Variants in ZDHHC14 observed in about 807,000 individuals in gnomAD.
ZDHHC14 encodes the protein palmitoyltransferase ZDHHC14.
In ZDHHC14, 16 loss-of-function variants were observed where a neutral mutation model predicts 47.7. That is an observed-to-expected ratio of 0.34 (90% CI 0.23 to 0.51). The LOEUF (loss-of-function observed/expected upper bound fraction) is 0.51, where lower values mean the gene tolerates loss of function less well. Among genes scored for constraint, ZDHHC14 ranks in the 20% least tolerant of loss-of-function variants. ZDHHC14 has a pLI of 0.97. For missense variants in ZDHHC14, 515 were observed against 662.5 expected (o/e 0.78, Z 2.44); for synonymous variants, 293 against 278.9 (o/e 1.05, Z -0.50).
At chr6:157,644,339 T>C (rs1777411663) in intron 5 of ZDHHC14, among the ~76,000 whole-genome samples, 1 of 152,220 alleles carries the variant, frequency 6.6e-6, no homozygotes, top group African/African-American at 2.4e-5. Flanking sequence ...CATCCATGTG[T>C]CCCCATGTGC....
At chr6:157,576,345 C>T (rs1783309115) in intron 2 of ZDHHC14, among the ~76,000 whole-genome samples, 1 of 152,122 alleles carries the variant, frequency 6.6e-6, no homozygotes, top group Non-Finnish European at 1.5e-5. Flanking sequence ...TATAGACAGA[C>T]CAGAATTTGC....
chr6:157,487,258 G>T (rs893008210), intron 1 of ZDHHC14, among the ~76,000 whole-genome samples: 1 of 152,218 alleles, frequency 6.6e-6, no homozygotes, highest in African/African-American at 2.4e-5. Context: ...GGGAGATGCA[G>T]TTGGGTAGAG....
intron 7 of ZDHHC14, among the ~76,000 whole-genome samples, chr6:157,651,879 ACAT>A (rs1285015594): frequency 6.6e-6 from 1 of 151,986 alleles, no homozygotes; most frequent in African/African-American, 2.4e-5. Flanking sequence ...GTCCCTCAAG[ACAT>A]CATGACACTG....
chr6:157,604,955 A>G (rs1173915604), intron 3 of ZDHHC14, among the ~76,000 whole-genome samples: 1 of 152,212 alleles, frequency 6.6e-6, no homozygotes, highest in African/African-American at 2.4e-5. Flanking sequence ...AAGATGAAAC[A>G]TACCTTACCA....
At chr6:157,466,070 T>C (rs1188393452) in intron 1 of ZDHHC14, among the ~76,000 whole-genome samples, 1 of 151,496 alleles carries the variant, frequency 6.6e-6, no homozygotes, top group Non-Finnish European at 1.5e-5. Flanking sequence ...GAGAGAGATA[T>C]GGGAAGATAG....
At chr6:157,465,052 A>G (rs1779174698) in intron 1 of ZDHHC14, among the ~76,000 whole-genome samples, 1 of 148,928 alleles carries the variant, frequency 6.7e-6, no homozygotes, top group Admixed American at 6.7e-5. Context: ...ATTTGCAGCC[A>G]TCTAACCTAC....
intron 1 of ZDHHC14, among the ~76,000 whole-genome samples, chr6:157,533,761 C>T (rs375361705): frequency 9.8e-5 from 15 of 152,306 alleles, no homozygotes; most frequent in Admixed American, 6.5e-4. Context: ...TTGATGGGCT[C>T]AGGAGGCTGC....
intron 1 of ZDHHC14, among the ~76,000 whole-genome samples, chr6:157,392,959 A>G (rs1777449256): frequency 6.6e-6 from 1 of 151,908 alleles, no homozygotes; most frequent in Non-Finnish European, 1.5e-5. Context: ...GGCTCACCAC[A>G]ACCTCTGCCT....
At chr6:157,619,064 T>C (rs1785077385) in intron 3 of ZDHHC14, among the ~76,000 whole-genome samples, 1 of 152,104 alleles carries the variant, frequency 6.6e-6, no homozygotes, top group Admixed American at 6.5e-5. Flanking sequence ...GCCTCTGCAG[T>C]GCACACTTGT....
At chr6:157,391,647 GT>G (rs1224493400) in intron 1 of ZDHHC14, among the ~76,000 whole-genome samples, 8 of 152,190 alleles carry the variant, frequency 5.3e-5, no homozygotes, top group Non-Finnish European at 1.5e-5. Context: ...CCTCACTCCT[GT>G]TTATGGTGGA....
At chr6:157,615,116 C>T (rs949675714) in intron 3 of ZDHHC14, among the ~76,000 whole-genome samples, 10 of 152,288 alleles carry the variant, frequency 6.6e-5, no homozygotes, top group Admixed American at 2.6e-4. Flanking sequence ...CATTTTGCCA[C>T]GGGCCCCCGA....
Position 157,672,929 on chromosome 6 carries a change from A to AAAGATGAGCACATGGGCC in ZDHHC14, c.1274_1275insAAGATGAGCACATGGGCC (p.Asp425delinsGluArgTer). The stretch of plus-strand genomic sequence containing the variant: ...AACCTCGCCGAGGCCACGCTCGCGG[A>AAAGATGAGCACATGGGCC]CGTGATGCCCCGGAAAGATGAGCAC... On this transcript the variant is annotated stop_gained and protein_altering_variant, in exon 9 of 9. Transcript: ENST00000359775. LOFTEE classifies it high-confidence loss of function. 6.2e-7 allele frequency: 1 copy of AAAGATGAGCACATGGGCC among 1,602,734 alleles called. No individual in the cohort carries two copies. Among genetic ancestry groups the AAAGATGAGCACATGGGCC allele is most frequent in the Non-Finnish European group, 8.5e-7 (1 of 1,176,656 alleles).
In ZDHHC14 at chr6:157,427,995, T is replaced by G. The variant is rs934677047; in HGVS notation, c.245+45729T>G. On this transcript the variant is annotated intron_variant, in intron 1 of 8. Transcript: ENST00000359775. The surrounding 1 kb of genome is among the most constrained non-coding windows in gnomAD (Gnocchi z 4.4). ...GATATGTGCTGTGTTCACTTATCCATGTGAAGGAGGAATAGGGATCGTGAA... is the reference window on the plus strand; with the variant it reads ...GATATGTGCTGTGTTCACTTATCCAGGTGAAGGAGGAATAGGGATCGTGAA... Among the ~76,000 whole-genome samples the G allele has an allele frequency of 6.6e-6, 1 of 152,078 alleles. No homozygotes were observed. The highest frequency in any genetic ancestry group is 1.5e-5 in the Non-Finnish European group (1 of 68,002).
At chr6:157,515,457 C>CTTTTTTTTTTTTTTTTTTT (rs1187323622) in intron 1 of ZDHHC14, among the ~76,000 whole-genome samples, 4 of 129,444 alleles carry the variant, frequency 3.1e-5, no homozygotes, top group Non-Finnish European at 3.3e-5. Flanking sequence ...TTTTCTTTTT[C>CTTTTTTTTTTTTTTTTTTT]TTTTTTTTTT....
chr6:157,663,772 G>A (rs944674328), intron 8 of ZDHHC14, among the ~76,000 whole-genome samples: 3 of 152,044 alleles, frequency 2.0e-5, no homozygotes, highest in Non-Finnish European at 4.4e-5. Flanking sequence ...CCTTCACACC[G>A]ACACGGGGCT....
intron 3 of ZDHHC14, among the ~76,000 whole-genome samples, chr6:157,605,026 G>A (rs981994517): frequency 6.6e-6 from 1 of 152,256 alleles, no homozygotes; most frequent in Non-Finnish European, 1.5e-5. Flanking sequence ...GCTGCTCTCT[G>A]TTGAGTGTTG....
intron 2 of ZDHHC14, among the ~76,000 whole-genome samples, chr6:157,549,331 A>G (rs1024183458): frequency 6.6e-6 from 1 of 152,174 alleles, no homozygotes; most frequent in Non-Finnish European, 1.5e-5. Context: ...AACTTCGGGG[A>G]ATTTCCAGAC....
chr6:157,536,302 G>A (rs1781542558), intron 1 of ZDHHC14, among the ~76,000 whole-genome samples: 1 of 152,124 alleles, frequency 6.6e-6, no homozygotes, highest in African/African-American at 2.4e-5. Context: ...CATACGTACA[G>A]GACAGACCAA....
intron 1 of ZDHHC14, among the ~76,000 whole-genome samples, chr6:157,510,772 C>CA (rs1780446546): frequency 6.6e-6 from 1 of 152,202 alleles, no homozygotes; most frequent in Non-Finnish European, 1.5e-5. Flanking sequence ...CCCTTCCCAG[C>CA]AAGGGGGGCG....
Sources: allele counts gnomAD v4.1 joint callset (sites outside exome capture counted in the v4.1 genomes callset), GRCh38; gene constraint gnomAD v4.1.1; non-coding constraint Gnocchi (gnomAD v3.1); transcripts MANE v1.5; gene names NCBI Gene and HGNC (gene_info 2026-07-23, HGNC 2026-07-21).